The following KCNQ3 variants were observed in gnomAD, a reference collection of about 807,000 sequenced individuals.
The protein encoded by KCNQ3 is potassium voltage-gated channel subfamily Q member 3.
KCNQ3 carries 30 observed loss-of-function variants against 92.5 expected under a neutral mutation model. The ratio of observed to expected loss-of-function variants is 0.32; its 90% CI spans 0.24 to 0.44. The LOEUF is 0.44. KCNQ3 is among the 20% of genes least tolerant of loss of function. KCNQ3 has a pLI of 1.00. For missense variants in KCNQ3, 913 were observed against 1,140.3 expected (o/e 0.80, Z 2.87); for synonymous variants, 450 against 468.8 (o/e 0.96, Z 0.52).
At chr8:132,477,350 T>TAAAAA (rs5895143) in intron 1 of KCNQ3, among the ~76,000 whole-genome samples, 1 of 143,672 alleles carries the variant, frequency 7.0e-6, no homozygotes, top group Non-Finnish European at 1.5e-5. Context: ...CATTTTAATT[T>TAAAAA]AAAAAAAAAA....
intron 1 of KCNQ3, among the ~76,000 whole-genome samples, chr8:132,339,290 T>C (rs1288574341): frequency 4.6e-5 from 7 of 152,162 alleles, no homozygotes; most frequent in African/African-American, 1.7e-4. Context: ...ACTTCTTCTG[T>C]TCATTAATCC....
intron 1 of KCNQ3, among the ~76,000 whole-genome samples, chr8:132,317,364 G>A (rs989195301): frequency 4.6e-5 from 7 of 152,112 alleles, no homozygotes; most frequent in African/African-American, 1.7e-4. Context: ...ATTTTTCAAG[G>A]AATCCATTCC....
chr8:132,292,832 T>C (rs964848614), intron 1 of KCNQ3, among the ~76,000 whole-genome samples: 2 of 152,150 alleles, frequency 1.3e-5, no homozygotes, highest in African/African-American at 4.8e-5. Context: ...CAGACTCTAA[T>C]CTGATTGTGG....
At chr8:132,278,180 T>C (rs752534953) in intron 1 of KCNQ3, 67 of 985,268 alleles carry the variant, frequency 6.8e-5, no homozygotes, top group Non-Finnish European at 7.1e-5. Flanking sequence ...AGAGATGTCA[T>C]GTAAATTGGT....
chr8:132,427,927 C>T lies in KCNQ3; in HGVS notation c.386+52220G>A, dbSNP rs1238013970. 2.6e-5 allele frequency among the ~76,000 whole-genome samples: 4 copies of T among 152,202 alleles called. No homozygotes were observed. The East Asian group carries it at 5.8e-4, about 22-fold the overall frequency. ...TAAAAATTCCCCATGGACCAATTAT[C>T]GGCAATGCTTCCTAGCCACGATCTA... On this transcript the variant is annotated intron_variant, in intron 1 of 14. Coordinates refer to ENST00000388996, the MANE Select transcript of KCNQ3 (RefSeq NM_004519.4).
chr8:132,129,378 C>T lies in KCNQ3; in HGVS notation c.2503G>A (p.Glu835Lys), dbSNP rs1563761224. The change falls in exon 15 of 15, where the codon GAG becomes AAG. Residue 835 changes from glutamate (E) to lysine (K), a missense_variant. Glu to Lys is a moderately conservative substitution (Grantham distance 56, BLOSUM62 1). Around this residue, in one of 6 missense-constraint regions of KCNQ3, gnomAD observed 375 missense variants for 376.4 expected, o/e 1.00. Coordinates refer to ENST00000388996, the MANE Select transcript of KCNQ3 (RefSeq NM_004519.4). This position sits in a 1 kb window ranked among gnomAD's most constrained non-coding sequence, Gnocchi z 5.9. ...TCCGTGTCTGTGTCCGTCTCACCCT[C>T]GGCGAGGTACCGCTTCTCCCTCATC... Reference protein sequence around the residue: ...SWMREKRYLAEGETDTDTDPF... With the variant: ...SWMREKRYLAKGETDTDTDPF... 8 of 1,614,086 alleles carry T rather than the reference C, an allele frequency of 5.0e-6. No homozygotes were observed. The East Asian group carries it at 6.7e-5, about 13-fold the overall frequency.
At chr8:132,172,957 G>A (rs574809070) in intron 6 of KCNQ3, among the ~76,000 whole-genome samples, 1 of 152,322 alleles carries the variant, frequency 6.6e-6, no homozygotes. Flanking sequence ...GAGGGCCTGG[G>A]CAAGCCCCTT....
At chr8:132,352,095 T>G (rs1818887759) in intron 1 of KCNQ3, among the ~76,000 whole-genome samples, 1 of 152,164 alleles carries the variant, frequency 6.6e-6, no homozygotes, top group Non-Finnish European at 1.5e-5. Flanking sequence ...TCCCATGCAT[T>G]GTGAGGGTGG....
chr8:132,204,020 A>G (rs992496275), intron 1 of KCNQ3, among the ~76,000 whole-genome samples: 1 of 152,232 alleles, frequency 6.6e-6, no homozygotes, highest in African/African-American at 2.4e-5. Context: ...TAACACACAC[A>G]ATAATTGTAC....
At chr8:132,163,928 T>A (rs1326093528) in intron 8 of KCNQ3, among the ~76,000 whole-genome samples, 2 of 152,200 alleles carry the variant, frequency 1.3e-5, no homozygotes, top group African/African-American at 4.8e-5. Context: ...TTAATCCTCA[T>A]AACAACCCTA....
At position 132,163,532 on chromosome 8, in the gene KCNQ3, T is replaced by G. The variant is rs368825651; in HGVS notation, c.1236-38A>C. 29 of 1,540,532 alleles carry G rather than the reference T, an allele frequency of 1.9e-5. No homozygotes were observed. In the African/African-American group the frequency reaches 3.4e-4, roughly 18 times the overall value. On this transcript the variant is annotated intron_variant, in intron 8 of 14. Coordinates refer to ENST00000388996, the MANE Select transcript of KCNQ3 (RefSeq NM_004519.4). ...GAGGGAGAAAAAATAAAGCATAAAT[T>G]ACGTGAAACAGCTGTATCCTTCCTC...
chr8:132,234,675 T>C (rs965044894), intron 1 of KCNQ3, among the ~76,000 whole-genome samples: 3 of 152,194 alleles, frequency 2.0e-5, no homozygotes, highest in African/African-American at 7.2e-5. Flanking sequence ...ATTTTTCAGA[T>C]TGAGAAACTA....
chr8:132,355,236 G>T (rs1485119173), intron 1 of KCNQ3, among the ~76,000 whole-genome samples: 8 of 151,992 alleles, frequency 5.3e-5, no homozygotes, highest in Non-Finnish European at 1.2e-4. Context: ...ACACCTCAAG[G>T]CTATTTGTTA....
At chr8:132,458,817 A>T (rs539136360) in intron 1 of KCNQ3, among the ~76,000 whole-genome samples, 1 of 152,246 alleles carries the variant, frequency 6.6e-6, no homozygotes, top group South Asian at 2.1e-4. Flanking sequence ...TATAACCTGC[A>T]GCCAGTTTCC....
chr8:132,179,997 C>G (rs548761444), intron 4 of KCNQ3, among the ~76,000 whole-genome samples, 160 bp downstream of exon 4: 2 of 152,334 alleles, frequency 1.3e-5, no homozygotes, highest in Non-Finnish European at 2.9e-5. Flanking sequence ...ACCCCAGCCC[C>G]GCCACTTCCT....
chr8:132,468,762 G>T (rs1182887744), intron 1 of KCNQ3, among the ~76,000 whole-genome samples: 1 of 152,140 alleles, frequency 6.6e-6, no homozygotes, highest in African/African-American at 2.4e-5. Flanking sequence ...AGGAGAGGAG[G>T]TTCCCAGCCC....
chr8:132,443,013 C>T (rs1296068788), intron 1 of KCNQ3, among the ~76,000 whole-genome samples: 1 of 152,192 alleles, frequency 6.6e-6, no homozygotes, highest in African/African-American at 2.4e-5. Context: ...GCCATAAATC[C>T]TCATCTGCGG....
intron 9 of KCNQ3, among the ~76,000 whole-genome samples, chr8:132,152,624 C>T (rs1281156721): frequency 6.6e-6 from 1 of 152,106 alleles, no homozygotes; most frequent in Non-Finnish European, 1.5e-5. Context: ...CCAATACAAG[C>T]CCCTTGGAAA....
chr8:132,464,960 C>T (rs1055706363), intron 1 of KCNQ3, among the ~76,000 whole-genome samples: 1 of 152,166 alleles, frequency 6.6e-6, no homozygotes, highest in African/African-American at 2.4e-5. Context: ...TGTATGTATA[C>T]AAAACCTAAA....
Sources: gnomAD v4.1 joint callset for allele counts (sites outside exome capture counted in the v4.1 genomes callset) on GRCh38, gnomAD v4.1.1 for gene constraint, gnomAD v4.1.1 regional missense constraint, Gnocchi (gnomAD v3.1) non-coding constraint, MANE v1.5 for transcripts, NCBI Gene and HGNC (gene_info 2026-07-23, HGNC 2026-07-21) for gene names.